The following CRTAC1 variants were observed in gnomAD, a reference collection of about 807,000 sequenced individuals.
CRTAC1 encodes cartilage acidic protein 1, also known as acidic secreted protein in cartilage.
Under a neutral mutation model 67.8 loss-of-function variants are expected in CRTAC1, and 37 were observed. The observed-to-expected ratio is 0.55, with a 90% CI of 0.42 to 0.72. The LOEUF is 0.72. CRTAC1 is among the 30% of genes least tolerant of loss of function. The pLI is 0.00. For synonymous variants in CRTAC1, 348 were observed against 371.0 expected (o/e 0.94, Z 0.71); for missense variants, 780 against 931.6 (o/e 0.84, Z 2.12).
At chr10:97,982,947 C>T (rs1564922390) in intron 2 of CRTAC1, among the ~76,000 whole-genome samples, 1 of 152,118 alleles carries the variant, frequency 6.6e-6, no homozygotes, top group Non-Finnish European at 1.5e-5. Context: ...CGAGCAAAAG[C>T]CAACAGCATT....
At chr10:98,013,743 C>T (rs1179954516) in intron 1 of CRTAC1, among the ~76,000 whole-genome samples, 2 of 152,214 alleles carry the variant, frequency 1.3e-5, no homozygotes, top group Non-Finnish European at 2.9e-5. Flanking sequence ...CTATAAACTT[C>T]AGGCCAACCC....
intron 13 of CRTAC1, 91 bp downstream of exon 13, chr10:97,882,695 T>A: frequency 7.0e-7 from 1 of 1,419,254 alleles, no homozygotes; most frequent in Non-Finnish European, 9.9e-7. Flanking sequence ...TGCCCCTTGC[T>A]TGCACCCTGG....
intron 2 of CRTAC1, among the ~76,000 whole-genome samples, chr10:98,004,293 T>C (rs959366472): frequency 6.6e-6 from 1 of 152,184 alleles, no homozygotes; most frequent in African/African-American, 2.4e-5. Flanking sequence ...AGTTCCTCAA[T>C]TCAGTTTTAA....
intron 2 of CRTAC1, among the ~76,000 whole-genome samples, chr10:97,982,718 C>T (rs567514202): frequency 1.2e-4 from 19 of 152,202 alleles, no homozygotes; most frequent in Middle Eastern, 3.4e-3. Flanking sequence ...CCCAGAAGCG[C>T]CGCAATTGTG....
rs545471071 is a variant in CRTAC1, at chr10:97,916,949, C to T, written c.715+551G>A. Among the ~76,000 whole-genome samples, 174 of 148,700 alleles carry T rather than the reference C, an allele frequency of 1.2e-3. 1 individual carries two copies. The highest frequency in any genetic ancestry group is 9.0e-4 in the Non-Finnish European group (61 of 67,772). The stretch of plus-strand genomic sequence containing the variant: ...CCCAACCAGAAAGATGAGGGGAGAG[C>T]GTGCCTTCAAAAAAAAGTGCTGGAG... On this transcript the variant is annotated intron_variant, in intron 5 of 14. Coordinates refer to ENST00000370597, the MANE Select transcript of CRTAC1 (RefSeq NM_018058.7).
chr10:97,937,137 C>T (rs1261479162), intron 2 of CRTAC1, among the ~76,000 whole-genome samples: 1 of 152,218 alleles, frequency 6.6e-6, no homozygotes, highest in East Asian at 1.9e-4. Flanking sequence ...AAAGGCATCA[C>T]TACTTATCTC....
At chr10:97,982,949 A>T (rs1304993192) in intron 2 of CRTAC1, among the ~76,000 whole-genome samples, 1 of 152,226 alleles carries the variant, frequency 6.6e-6, no homozygotes, top group Non-Finnish European at 1.5e-5. Context: ...AGCAAAAGCC[A>T]ACAGCATTTA....
intron 2 of CRTAC1, among the ~76,000 whole-genome samples, chr10:98,010,426 C>A (rs1842882453): frequency 6.6e-6 from 1 of 152,188 alleles, no homozygotes. Context: ...TTCAAGACAA[C>A]AAGCCATTAC....
chr10:97,939,125 T>C (rs2051133357), intron 2 of CRTAC1, among the ~76,000 whole-genome samples: 1 of 152,128 alleles, frequency 6.6e-6, no homozygotes, highest in Admixed American at 6.5e-5. Context: ...TTGGGTCTCC[T>C]AGAATGTCTT....
At chr10:97,992,010 GGAA>G (rs1308078449) in intron 2 of CRTAC1, among the ~76,000 whole-genome samples, 1 of 152,192 alleles carries the variant, frequency 6.6e-6, no homozygotes, top group Non-Finnish European at 1.5e-5. Context: ...ATGCAGACAG[GGAA>G]GAAGGCCAGG....
intron 2 of CRTAC1, among the ~76,000 whole-genome samples, chr10:97,970,062 CTG>C (rs1395693401): frequency 1.3e-5 from 2 of 152,188 alleles, no homozygotes; most frequent in African/African-American, 4.8e-5. Flanking sequence ...CCTACTCCTG[CTG>C]TCTTTCCTTT....
intron 1 of CRTAC1, among the ~76,000 whole-genome samples, chr10:98,025,387 A>T (rs1843208932): frequency 6.6e-6 from 1 of 152,110 alleles, no homozygotes; most frequent in South Asian, 2.1e-4. Context: ...GACATTGCCA[A>T]ATATCTGGGA....
chr10:97,952,156 G>T (rs916512843), intron 2 of CRTAC1, among the ~76,000 whole-genome samples: 7 of 151,980 alleles, frequency 4.6e-5, no homozygotes, highest in East Asian at 3.9e-4. Context: ...ATCAAGACCA[G>T]CCTGGCTAAC....
chr10:97,970,423 A>C (rs2051688911), intron 2 of CRTAC1, among the ~76,000 whole-genome samples: 1 of 152,192 alleles, frequency 6.6e-6, no homozygotes. Context: ...TCAGAGAAAG[A>C]AGCCAGACTG....
chr10:97,910,846 T>G (rs1479688857), intron 5 of CRTAC1, among the ~76,000 whole-genome samples: 3 of 152,242 alleles, frequency 2.0e-5, no homozygotes, highest in African/African-American at 7.2e-5. Context: ...CATTCTGGGC[T>G]GGATGCCTCC....
chr10:97,913,932 C>G (rs1312095965), intron 5 of CRTAC1, among the ~76,000 whole-genome samples: 1 of 152,254 alleles, frequency 6.6e-6, no homozygotes, highest in African/African-American at 2.4e-5. Flanking sequence ...TCCTATAAAT[C>G]AGATCTGCCC....
At chr10:97,904,880 C>T in intron 6 of CRTAC1, 66 bp from the exon 7 acceptor site, 2 of 1,475,800 alleles carry the variant, frequency 1.4e-6, no homozygotes, top group South Asian at 2.9e-5. Context: ...ACTCACCCTG[C>T]TCTAGCTCTG....
At chr10:97,947,409 G>A (rs1212397991) in intron 2 of CRTAC1, among the ~76,000 whole-genome samples, 1 of 152,182 alleles carries the variant, frequency 6.6e-6, no homozygotes, top group East Asian at 1.9e-4. Flanking sequence ...GGATGTATAG[G>A]ATTTTAGTAA....
At chr10:97,956,734 A>G (rs2136638162) in intron 2 of CRTAC1, among the ~76,000 whole-genome samples, 1 of 152,316 alleles carries the variant, frequency 6.6e-6, no homozygotes, top group South Asian at 2.1e-4. Flanking sequence ...CTCAAGGCAC[A>G]GCACTTTGCT....
Sources: allele counts gnomAD v4.1 joint callset (sites outside exome capture counted in the v4.1 genomes callset), GRCh38; gene constraint gnomAD v4.1.1; transcripts MANE v1.5; gene names NCBI Gene and HGNC (gene_info 2026-07-23, HGNC 2026-07-21).